Variants in SESTD1 observed in about 807,000 individuals in gnomAD.
The protein encoded by SESTD1 is SEC14 domain and spectrin repeat-containing protein 1.
Under a neutral mutation model 101.7 loss-of-function variants are expected in SESTD1, and 43 were observed. That is an observed-to-expected ratio of 0.42 (90% CI 0.33 to 0.55). SESTD1 has a LOEUF of 0.55. SESTD1 is among the 20% of genes least tolerant of loss of function. SESTD1 has a pLI of 0.07. For missense variants in SESTD1, 647 were observed against 815.1 expected (o/e 0.79, Z 2.51); for synonymous variants, 283 against 286.8 (o/e 0.99, Z 0.13).
chr2:179,108,249 G>A lies in SESTD1; in HGVS notation c.*1650C>T, dbSNP rs972067051. 1 of 152,152 alleles carries A rather than the reference G, an allele frequency of 6.6e-6. No individual in the cohort carries two copies. The highest frequency in any genetic ancestry group is 2.4e-5 in the African/African-American group (1 of 41,438). 9.4% of individuals were successfully genotyped at this position (152,152 alleles called of 1,614,324 possible). A position where few individuals can be genotyped will look rare whatever the true frequency, so the allele number is the denominator to read the frequency against. On this transcript the variant is annotated 3_prime_UTR_variant, in exon 18 of 18. Coordinates refer to ENST00000428443, the MANE Select transcript of SESTD1 (RefSeq NM_178123.5). ...GAGGACAGGATCTGAGAGAGCACAT[G>A]TTCAGCAGGCACATCTTAAATTAGG... is the stretch of plus-strand genomic sequence containing the variant.
rs576646977 is a variant in SESTD1, at chr2:179,251,176, T to A, written c.-26+13323A>T. 2.8e-4 allele frequency among the ~76,000 whole-genome samples: 43 copies of A among 152,120 alleles called. No homozygotes were observed. The South Asian group carries it at 8.5e-3, about 30-fold the overall frequency. Reference sequence around the variant, plus strand: ...AAAAAACCAATCCCAAAAATATATATACAATAAGATCCCATTTATATAGCA... The same window carrying A: ...AAAAAACCAATCCCAAAAATATATAAACAATAAGATCCCATTTATATAGCA... On this transcript the variant is annotated intron_variant, in intron 1 of 17. Coordinates refer to ENST00000428443, the MANE Select transcript of SESTD1 (RefSeq NM_178123.5).
chr2:179,158,897 C>T (rs2045680071), intron 5 of SESTD1, among the ~76,000 whole-genome samples: 1 of 152,160 alleles, frequency 6.6e-6, no homozygotes, highest in Non-Finnish European at 1.5e-5. Flanking sequence ...GGCAGACTCA[C>T]AATCACAATA....
chr2:179,178,534 G>C (rs534661495), intron 3 of SESTD1, among the ~76,000 whole-genome samples: 2 of 152,254 alleles, frequency 1.3e-5, no homozygotes, highest in African/African-American at 4.8e-5. Flanking sequence ...GTGGGCTCAA[G>C]TAATGAGGGG....
rs1233958712 is a variant in SESTD1 at position 179,210,188 on chromosome 2, C to G, written c.-25-18322G>C. On this transcript the variant is annotated intron_variant, in intron 1 of 17. Coordinates refer to ENST00000428443, the MANE Select transcript of SESTD1 (RefSeq NM_178123.5). The stretch of plus-strand genomic sequence containing the variant: ...CCAATAACAAGTAGTAAGATTGAAA[C>G]AGTAATTTAAAAATTCCAACGAAAG... 3.0e-5 allele frequency among the ~76,000 whole-genome samples: 4 copies of G among 134,090 alleles called. 1 individual carries two copies. The highest frequency in any genetic ancestry group is 4.8e-5 in the Non-Finnish European group (3 of 62,392). 88.0% of individuals were successfully genotyped at this position (134,090 alleles called of 152,430 possible). A position where few individuals can be genotyped will look rare whatever the true frequency, so the allele number is the denominator to read the frequency against.
intron 5 of SESTD1, among the ~76,000 whole-genome samples, chr2:179,160,805 C>CTT (rs112546498): frequency 6.6e-6 from 1 of 150,808 alleles, no homozygotes; most frequent in African/African-American, 2.4e-5. Context: ...TATCATTCTA[C>CTT]TTTTTTTTTG....
intron 12 of SESTD1, 97 bp downstream of exon 12, chr2:179,123,616 CTA>C: frequency 1.4e-6 from 1 of 691,092 alleles, no homozygotes; most frequent in Non-Finnish European, 2.4e-6. Context: ...GAAAATAATA[CTA>C]ATTAGTTCAG....
intron 13 of SESTD1, among the ~76,000 whole-genome samples, chr2:179,119,968 C>T (rs577788571): frequency 2.0e-4 from 30 of 152,238 alleles, no homozygotes; most frequent in Admixed American, 9.2e-4. Flanking sequence ...CGGTGGCTCA[C>T]GCCTGTGATC....
intron 9 of SESTD1, 131 bp downstream of exon 9, chr2:179,143,461 A>G (rs1430849638): frequency 1.5e-6 from 1 of 667,912 alleles, no homozygotes; most frequent in African/African-American, 1.8e-5. Context: ...TACATAATTT[A>G]AAAGTTTTAG....
chr2:179,224,338 G>C (rs2046853022), intron 1 of SESTD1, among the ~76,000 whole-genome samples: 1 of 152,196 alleles, frequency 6.6e-6, no homozygotes, highest in African/African-American at 2.4e-5. Flanking sequence ...CAGCAGCCTA[G>C]TGAGATGGAG....
chr2:179,192,386 A>G (rs904845800), intron 1 of SESTD1, among the ~76,000 whole-genome samples: 1 of 152,146 alleles, frequency 6.6e-6, no homozygotes, highest in African/African-American at 2.4e-5. Flanking sequence ...TTGCTCCCCT[A>G]TAACACATGG....
intron 1 of SESTD1, among the ~76,000 whole-genome samples, chr2:179,227,420 A>G (rs2046904605): frequency 6.6e-6 from 1 of 152,186 alleles, no homozygotes; most frequent in Non-Finnish European, 1.5e-5. Flanking sequence ...CAAAAGAAGC[A>G]CAGAGAAAAT....
intron 14 of SESTD1, among the ~76,000 whole-genome samples, 200 bp from the exon 15 acceptor site, chr2:179,116,990 A>C (rs1219051374): frequency 6.6e-6 from 1 of 152,212 alleles, no homozygotes; most frequent in Non-Finnish European, 1.5e-5. Flanking sequence ...TTAAATCTGA[A>C]GGCAAGACAT....
chr2:179,129,603 C>T (rs1037681849), intron 10 of SESTD1, among the ~76,000 whole-genome samples: 1 of 152,072 alleles, frequency 6.6e-6, no homozygotes, highest in African/African-American at 2.4e-5. Flanking sequence ...GCTGGTAATG[C>T]AAGATTGTAT....
At chr2:179,229,256 T>C (rs2046939020) in intron 1 of SESTD1, among the ~76,000 whole-genome samples, 1 of 152,160 alleles carries the variant, frequency 6.6e-6, no homozygotes, top group Non-Finnish European at 1.5e-5. Context: ...CTTTCCCCAA[T>C]GTAAGTGAGC....
chr2:179,234,945 TAAAAA>T (rs35629599), intron 1 of SESTD1, among the ~76,000 whole-genome samples: 1 of 130,434 alleles, frequency 7.7e-6, no homozygotes, highest in East Asian at 2.1e-4. Flanking sequence ...CTCATCTCTT[TAAAAA>T]AAAAAAAAAA....
chr2:179,215,987 C>T lies in SESTD1; in HGVS notation c.-25-24121G>A, dbSNP rs1161129028. On this transcript the variant is annotated intron_variant, in intron 1 of 17. Coordinates refer to ENST00000428443, the MANE Select transcript of SESTD1 (RefSeq NM_178123.5). ...AATACTAGGTATTGATGAAACATAA[C>T]TCAAAATAGTAAGAACTATATGACA... 3.7e-5 allele frequency among the ~76,000 whole-genome samples: 5 copies of T among 134,824 alleles called. 1 individual carries two copies. 88.4% of individuals were successfully genotyped at this position (134,824 alleles called of 152,430 possible).
chr2:179,129,758 T>A (rs916987152), intron 10 of SESTD1, among the ~76,000 whole-genome samples: 2 of 152,218 alleles, frequency 1.3e-5, no homozygotes, highest in Admixed American at 1.3e-4. Context: ...AATAAAATAT[T>A]AGAATATCTT....
Position 179,109,758 on chromosome 2 carries a change from C to A in SESTD1, c.*141G>T. The A allele has an allele frequency of 9.4e-7, 1 of 1,067,324 alleles. No homozygotes were observed. The highest frequency in any genetic ancestry group is 1.3e-6 in the Non-Finnish European group (1 of 743,946). 66.1% of individuals were successfully genotyped at this position (1,067,324 alleles called of 1,614,324 possible). A position where few individuals can be genotyped will look rare whatever the true frequency, so the allele number is the denominator to read the frequency against. On this transcript the variant is annotated 3_prime_UTR_variant, in exon 18 of 18. Transcript: ENST00000428443. ...TGCCTTGGTAGTAGCAAGGTGTTAA[C>A]ATGTAAAGAGAAATGTGTCATGAAA...
In SESTD1 at chr2:179,135,619, T is replaced by G. The variant is rs193135479; in HGVS notation, c.850-3193A>C. 4.1e-3 allele frequency among the ~76,000 whole-genome samples: 622 copies of G among 152,056 alleles called. 7 individuals carry two copies. The highest frequency in any genetic ancestry group is 0.014 in the African/African-American group (586 of 41,474). ...AAATACAAAAATTAGCCAGGCGTGG[T>G]ATGCACATCTATAGTCCCAGCTGCT... On this transcript the variant is annotated intron_variant, in intron 9 of 17. Transcript: ENST00000428443.
Sources: gnomAD v4.1 joint callset for allele counts (sites outside exome capture counted in the v4.1 genomes callset) on GRCh38, gnomAD v4.1.1 for gene constraint, MANE v1.5 for transcripts, NCBI Gene and HGNC (gene_info 2026-07-23, HGNC 2026-07-21) for gene names.